The following KCND2 variants were observed in gnomAD, a reference collection of about 807,000 sequenced individuals.
The protein encoded by KCND2 is A-type voltage-gated potassium channel KCND2.
In KCND2, 16 loss-of-function variants were observed where a neutral mutation model predicts 54.4. That is an observed-to-expected ratio of 0.29 (90% CI 0.20 to 0.45). KCND2 has a LOEUF of 0.45. Ranked by LOEUF, KCND2 falls within the 20% of genes least tolerant of loss-of-function variation. The probability of loss-of-function intolerance (pLI) is 1.00; values close to 1 mark genes in which losing one functional copy is unlikely to be tolerated. For synonymous variants in KCND2, 317 were observed against 310.7 expected (o/e 1.02, Z -0.21); for missense variants, 486 against 824.2 (o/e 0.59, Z 5.02).
intron 1 of KCND2, among the ~76,000 whole-genome samples, chr7:120,523,730 G>A (rs1412685961): frequency 6.8e-6 from 1 of 147,002 alleles, no homozygotes; most frequent in East Asian, 2.0e-4. Context: ...GTGTGTGTGT[G>A]TGTGTGTGTG....
At chr7:120,660,163 TCTA>T (rs1359565318) in intron 1 of KCND2, among the ~76,000 whole-genome samples, 1 of 152,210 alleles carries the variant, frequency 6.6e-6, no homozygotes, top group African/African-American at 2.4e-5. Context: ...TTATCCAGAT[TCTA>T]CTATTATTTT....
intron 1 of KCND2, among the ~76,000 whole-genome samples, chr7:120,634,966 C>T (rs1347839486): frequency 6.6e-6 from 1 of 152,182 alleles, no homozygotes; most frequent in South Asian, 2.1e-4. Flanking sequence ...ATGCTGTTCC[C>T]CTGTCCTGGG....
At chr7:120,699,398 G>A (rs908042762) in intron 1 of KCND2, among the ~76,000 whole-genome samples, 3 of 152,114 alleles carry the variant, frequency 2.0e-5, no homozygotes, top group African/African-American at 7.2e-5. Context: ...CTTCTTATTT[G>A]TATGAGTCAC....
intron 1 of KCND2, among the ~76,000 whole-genome samples, chr7:120,701,372 C>T (rs1362383318): frequency 6.6e-6 from 1 of 151,520 alleles, no homozygotes; most frequent in East Asian, 1.9e-4. Flanking sequence ...CAAAGCTCTT[C>T]CTGCCTGATA....
intron 1 of KCND2, among the ~76,000 whole-genome samples, chr7:120,521,195 T>G (rs1019096216): frequency 2.6e-5 from 4 of 152,054 alleles, no homozygotes; most frequent in African/African-American, 9.7e-5. Context: ...ATAAATGTAG[T>G]GAGAGGAAAA....
At chr7:120,609,566 T>C (rs964274162) in intron 1 of KCND2, among the ~76,000 whole-genome samples, 17 of 152,170 alleles carry the variant, frequency 1.1e-4, no homozygotes, top group Admixed American at 1.1e-3. Flanking sequence ...TTGAGTTTTG[T>C]GAACTTTTGA....
chr7:120,275,860 T>G (rs932755048), intron 1 of KCND2, 113 bp downstream of exon 1: 1 of 1,196,362 alleles, frequency 8.4e-7, no homozygotes, highest in African/African-American at 1.5e-5. Flanking sequence ...TTCCTGAGTT[T>G]AGGAAAGCAT....
intron 1 of KCND2, among the ~76,000 whole-genome samples, chr7:120,423,439 C>G (rs1801657047): frequency 6.6e-6 from 1 of 152,176 alleles, no homozygotes; most frequent in Admixed American, 6.5e-5. Context: ...TTGGAGATGT[C>G]AGAAATTAAT....
chr7:120,356,828 G>A (rs1349133789), intron 1 of KCND2, among the ~76,000 whole-genome samples: 1 of 151,970 alleles, frequency 6.6e-6, no homozygotes, highest in African/African-American at 2.4e-5. Flanking sequence ...ATACTCTCCA[G>A]ACTAATCGCA....
At chr7:120,346,241 T>A (rs963802814) in intron 1 of KCND2, among the ~76,000 whole-genome samples, 2 of 152,166 alleles carry the variant, frequency 1.3e-5, no homozygotes, top group South Asian at 4.1e-4. Flanking sequence ...TAACCCCTTA[T>A]TAGATGTAAT....
chr7:120,483,488 C>T (rs1802636149), intron 1 of KCND2, among the ~76,000 whole-genome samples: 1 of 151,980 alleles, frequency 6.6e-6, no homozygotes, highest in Non-Finnish European at 1.5e-5. Flanking sequence ...AAATAGTCTG[C>T]AAAGAGAAAT....
chr7:120,666,482 C>T (rs1434727831), intron 1 of KCND2, among the ~76,000 whole-genome samples: 1 of 151,720 alleles, frequency 6.6e-6, no homozygotes, highest in African/African-American at 2.4e-5. Flanking sequence ...AATAGAGCCA[C>T]GGAATGTAAA....
intron 1 of KCND2, among the ~76,000 whole-genome samples, chr7:120,664,681 A>G (rs1322931751): frequency 6.6e-6 from 1 of 152,108 alleles, no homozygotes; most frequent in African/African-American, 2.4e-5. Context: ...GTCAAGGACA[A>G]TTATGTTGGC....
At chr7:120,294,603 A>G (rs1347909494) in intron 1 of KCND2, among the ~76,000 whole-genome samples, 2 of 151,920 alleles carry the variant, frequency 1.3e-5, no homozygotes, top group Admixed American at 6.6e-5. Context: ...GAACATACAT[A>G]TAGGTTCTAC....
rs932601798 is a variant in KCND2, at chr7:120,317,314, A to T, written c.1115+41567A>T. On this transcript the variant is annotated intron_variant, in intron 1 of 5. Coordinates refer to ENST00000331113, the MANE Select transcript of KCND2 (RefSeq NM_012281.3). The stretch of plus-strand genomic sequence containing the variant: ...TGGCATCAAATTCTCTAACATATGC[A>T]TTAATTGTAAATTAGGTAATTTTTG... Among the ~76,000 whole-genome samples, 5 of 152,204 alleles carry T rather than the reference A, an allele frequency of 3.3e-5. No individual in the cohort carries two copies. The East Asian group carries it at 9.6e-4, about 29-fold the overall frequency.
At chr7:120,618,062 A>C (rs1029775021) in intron 1 of KCND2, among the ~76,000 whole-genome samples, 19 of 152,206 alleles carry the variant, frequency 1.2e-4, no homozygotes, top group African/African-American at 4.3e-4. Flanking sequence ...ATTGAGTACT[A>C]TGCCGAATAC....
chr7:120,693,961 G>A (rs1352734840), intron 1 of KCND2, among the ~76,000 whole-genome samples: 5 of 152,226 alleles, frequency 3.3e-5, no homozygotes, highest in African/African-American at 1.2e-4. Flanking sequence ...CGAGATGGGT[G>A]GTGGATGCCT....
intron 1 of KCND2, among the ~76,000 whole-genome samples, chr7:120,708,329 T>A (rs1792495858): frequency 6.6e-6 from 1 of 152,100 alleles, no homozygotes; most frequent in South Asian, 2.1e-4. Context: ...TAGGTGTGCA[T>A]GAGAAGAGCT....
chr7:120,504,502 A>G (rs936045243), intron 1 of KCND2, among the ~76,000 whole-genome samples: 1 of 151,778 alleles, frequency 6.6e-6, no homozygotes, highest in Non-Finnish European at 1.5e-5. Flanking sequence ...CCTTCATCTT[A>G]TATTTGATGG....
Sources: gnomAD v4.1 joint callset for allele counts (sites outside exome capture counted in the v4.1 genomes callset) on GRCh38, gnomAD v4.1.1 for gene constraint, MANE v1.5 for transcripts, NCBI Gene and HGNC (gene_info 2026-07-23, HGNC 2026-07-21) for gene names.